Variants in TTC28 observed in about 807,000 individuals in gnomAD.
TTC28 encodes tetratricopeptide repeat domain 28.
A neutral mutation model predicts 198.0 loss-of-function variants in TTC28; 61 were observed. That is an observed-to-expected ratio of 0.31 (90% CI 0.25 to 0.38). TTC28 has a LOEUF of 0.38. Among genes scored for constraint, TTC28 ranks in the 10% least tolerant of loss-of-function variants. The probability of loss-of-function intolerance (pLI) is 1.00; values close to 1 mark genes in which losing one functional copy is unlikely to be tolerated. For synonymous variants in TTC28, 1,171 were observed against 1,297.8 expected, an observed-to-expected ratio of 0.90 and a Z score of 2.10; for missense variants, 2,678 against 3,164.0, an observed-to-expected ratio of 0.85 and a Z score of 3.69.
chr22:28,207,812 C>T (rs9608672), intron 5 of TTC28, among the ~76,000 whole-genome samples: 9,789 of 152,070 alleles, frequency 0.064, 455 homozygotes, highest in Admixed American at 0.14. Context: ...TGTTTATAAA[C>T]ATGTACTTAA....
At chr22:28,323,029 C>T (rs367570518) in intron 2 of TTC28, among the ~76,000 whole-genome samples, 61 of 152,234 alleles carry the variant, frequency 4.0e-4, no homozygotes, top group African/African-American at 1.4e-3. Flanking sequence ...CTTGAGATTC[C>T]GAATCACATT....
Position 28,013,933 on chromosome 22 carries a change from G to A in TTC28, c.4218+315C>T, listed in dbSNP as rs140094802. Among the ~76,000 whole-genome samples the A allele has an allele frequency of 7.3e-3, 1,118 of 152,306 alleles. 7 individuals are homozygous for A. The highest frequency in any genetic ancestry group is 0.011 in the Non-Finnish European group (740 of 68,028). ...CTCTGTTGGGCAGGCTGGGAAGGGA[G>A]CATCATTTCATTTTGTACATGAGGT... On this transcript the variant is annotated intron_variant, in intron 14 of 22. Transcript: ENST00000397906.
intron 2 of TTC28, among the ~76,000 whole-genome samples, chr22:28,476,691 T>C (rs1315868321): frequency 1.3e-5 from 2 of 152,310 alleles, no homozygotes; most frequent in East Asian, 1.9e-4. Flanking sequence ...AGTAATGAGG[T>C]AGTACAATTT....
intron 2 of TTC28, among the ~76,000 whole-genome samples, chr22:28,528,331 A>G (rs749069759): frequency 2.0e-5 from 3 of 152,158 alleles, no homozygotes; most frequent in Non-Finnish European, 2.9e-5. Flanking sequence ...TACTGTTGCA[A>G]AGTTCTTATC....
chr22:28,053,898 TC>T (rs1940178818), intron 12 of TTC28, among the ~76,000 whole-genome samples: 1 of 152,160 alleles, frequency 6.6e-6, no homozygotes, highest in African/African-American at 2.4e-5. Flanking sequence ...TAATGACTGT[TC>T]CTGGCCACTT....
chr22:28,383,279 T>C (rs975614632), intron 2 of TTC28, among the ~76,000 whole-genome samples: 4 of 152,230 alleles, frequency 2.6e-5, no homozygotes, highest in African/African-American at 4.8e-5. Flanking sequence ...TATTGCTTTA[T>C]ACCTATGTAC....
At position 28,288,064 on chromosome 22, in the gene TTC28, A is replaced by G. The variant is rs114102994; in HGVS notation, c.933+8134T>C. On this transcript the variant is annotated intron_variant, in intron 5 of 22. Transcript: ENST00000397906. The stretch of plus-strand genomic sequence containing the variant: ...TGCAATATTCATATGACTAATTTAA[A>G]TAATTATGACAATAACATCAATAAT... 9.6e-3 allele frequency among the ~76,000 whole-genome samples: 1,461 copies of G among 152,272 alleles called. 25 individuals are homozygous for G. The highest frequency in any genetic ancestry group is 0.033 in the African/African-American group (1,362 of 41,568).
chr22:28,392,355 TG>T (rs1363162515), intron 2 of TTC28, among the ~76,000 whole-genome samples: 10 of 152,194 alleles, frequency 6.6e-5, no homozygotes, highest in African/African-American at 2.4e-4. Context: ...CTCCTTGAGT[TG>T]TGGTGGGCTC....
At chr22:28,451,517 G>A (rs2047777649) in intron 2 of TTC28, among the ~76,000 whole-genome samples, 1 of 152,170 alleles carries the variant, frequency 6.6e-6, no homozygotes, top group Admixed American at 6.5e-5. Context: ...TTTTGGAACT[G>A]CAACTTTAAG....
chr22:28,201,877 C>A (rs573981838), intron 5 of TTC28, among the ~76,000 whole-genome samples: 1 of 151,628 alleles, frequency 6.6e-6, no homozygotes, highest in African/African-American at 2.4e-5. Context: ...CCTGGGAATA[C>A]AGAGCTGTGA....
At chr22:28,591,497 T>C (rs983425209) in intron 2 of TTC28, among the ~76,000 whole-genome samples, 2 of 152,114 alleles carry the variant, frequency 1.3e-5, no homozygotes, top group African/African-American at 2.4e-5. Flanking sequence ...CTAACAGAAG[T>C]TAAATGACTT....
At chr22:28,320,379 T>C (rs1199989727) in intron 2 of TTC28, among the ~76,000 whole-genome samples, 3 of 152,078 alleles carry the variant, frequency 2.0e-5, no homozygotes, top group African/African-American at 4.8e-5. Flanking sequence ...ACTTCTTTCA[T>C]TGTTTATGTT....
chr22:28,298,407 C>T (rs1461520819), intron 3 of TTC28, among the ~76,000 whole-genome samples: 3 of 152,242 alleles, frequency 2.0e-5, no homozygotes, highest in African/African-American at 4.8e-5. Flanking sequence ...ACTCAGAAAA[C>T]GCATCATGAA....
At chr22:28,660,677 C>A (rs958311469) in intron 1 of TTC28, among the ~76,000 whole-genome samples, 10 of 152,250 alleles carry the variant, frequency 6.6e-5, no homozygotes, top group African/African-American at 2.4e-4. Context: ...GCATGTGCCA[C>A]CACACCCGGC....
At chr22:28,052,967 T>C (rs1010281872) in intron 12 of TTC28, among the ~76,000 whole-genome samples, 8 of 152,220 alleles carry the variant, frequency 5.3e-5, no homozygotes, top group South Asian at 4.1e-4. Flanking sequence ...CCAGGCGCTG[T>C]GTGTGCAGCA....
chr22:28,642,320 G>A (rs1335791581), intron 1 of TTC28, among the ~76,000 whole-genome samples: 1 of 151,802 alleles, frequency 6.6e-6, no homozygotes, highest in Non-Finnish European at 1.5e-5. Context: ...ACTTAGGTTA[G>A]GCAAAGATTT....
intron 8 of TTC28, among the ~76,000 whole-genome samples, chr22:28,104,146 C>T (rs1942232728): frequency 6.6e-6 from 1 of 152,196 alleles, no homozygotes; most frequent in South Asian, 2.1e-4. Flanking sequence ...CTCCTGGCTT[C>T]CCAGTGGGGG....
intron 5 of TTC28, among the ~76,000 whole-genome samples, chr22:28,234,718 G>C (rs531594323): frequency 6.6e-6 from 1 of 152,142 alleles, no homozygotes. Context: ...GAGAAGCTGA[G>C]ATCCCTTGGA....
In TTC28 at chr22:28,163,410, G is replaced by A; in HGVS notation, c.1123C>T (p.Gln375Ter). The change falls in exon 6 of 23, where the codon CAG becomes TAG. Residue 375 changes from glutamine to a stop codon, truncating the protein, a stop_gained. Coordinates refer to ENST00000397906, the MANE Select transcript of TTC28 (RefSeq NM_001145418.2). LOFTEE classifies it high-confidence loss of function. ...ATCTTCAGATGCTGCTCATGGCACT[G>A]CACAGCATTCTCAAAGTCACCCATG... Reference protein sequence around the residue: ...IAMGDFENAVQCHEQHLKIAK... With the variant: ...IAMGDFENAV 1.3e-6 allele frequency: 2 copies of A among 1,551,920 alleles called. No individual in the cohort carries two copies. Among genetic ancestry groups the A allele is most frequent in the Non-Finnish European group, 1.7e-6 (2 of 1,147,020 alleles).
Sources: gnomAD v4.1 joint callset for allele counts (sites outside exome capture counted in the v4.1 genomes callset) on GRCh38, gnomAD v4.1.1 for gene constraint, MANE v1.5 for transcripts, NCBI Gene and HGNC (gene_info 2026-07-23, HGNC 2026-07-21) for gene names.